SH3BP5L: variants seen among roughly 807,000 people sequenced by gnomAD.
SH3BP5L encodes SH3 domain-binding protein 5-like.
SH3BP5L carries 16 observed loss-of-function variants against 40.9 expected under a neutral mutation model. The ratio of observed to expected loss-of-function variants is 0.39; its 90% CI spans 0.27 to 0.59. The LOEUF is 0.59. Among genes scored for constraint, SH3BP5L ranks in the 20% least tolerant of loss-of-function variants. SH3BP5L has a pLI of 0.53. For synonymous variants in SH3BP5L, 229 were observed against 226.7 expected (o/e 1.01, Z -0.09); for missense variants, 471 against 544.6 (o/e 0.86, Z 1.35).
Position 248,812,095 on chromosome 1 carries a change from G to A in SH3BP5L, c.987C>T (p.Asp329=). 6.2e-7 allele frequency: 1 copy of A among 1,611,680 alleles called. No homozygotes were observed. The highest frequency in any genetic ancestry group is 1.1e-5 in the South Asian group (1 of 91,000). The change falls in exon 7 of 7, where the codon GAC becomes GAT. Residue 329 remains aspartate, a synonymous_variant. Coordinates refer to ENST00000366472, the MANE Select transcript of SH3BP5L (RefSeq NM_030645.3). This position sits in a 1 kb window ranked among gnomAD's most constrained non-coding sequence, Gnocchi z 6.1. ...GSSLGPGPAP[D]TDTLSLLSLR... ...GGCTCAGCAGACTCAGGGTATCGGT[G>A]TCGGGGGCGGGGCCGGGCCCCAGGC...
intron 2 of SH3BP5L, among the ~76,000 whole-genome samples, chr1:248,818,828 C>A (rs1262462455): frequency 1.3e-5 from 2 of 152,232 alleles, no homozygotes; most frequent in Non-Finnish European, 2.9e-5. Context: ...CCAGGAAATA[C>A]CTGGTGCCTA....
chr1:248,822,399 CTG>C (rs1664273524), intron 2 of SH3BP5L, among the ~76,000 whole-genome samples: 1 of 152,190 alleles, frequency 6.6e-6, no homozygotes, highest in Non-Finnish European at 1.5e-5. Flanking sequence ...GTACCCACAC[CTG>C]TGTCATCAAA....
At position 248,812,404 on chromosome 1, in the gene SH3BP5L, G is replaced by T; in HGVS notation, c.712-34C>A. 2 of 1,546,844 alleles carry T rather than the reference G, an allele frequency of 1.3e-6. No homozygotes were observed. The highest frequency in any genetic ancestry group is 1.1e-5 in the South Asian group (1 of 89,238). ...GGCAGAGCAGAGCAAGGCGACCCAT[G>T]GGGCACGTCTCCACCTTCCTCAGCA... is the stretch of plus-strand genomic sequence containing the variant. On this transcript the variant is annotated intron_variant, in intron 6 of 6. Coordinates refer to ENST00000366472, the MANE Select transcript of SH3BP5L (RefSeq NM_030645.3). This position sits in a 1 kb window ranked among gnomAD's most constrained non-coding sequence, Gnocchi z 6.1.
At chr1:248,817,142 A>AT in intron 2 of SH3BP5L, 1 of 1,183,648 alleles carries the variant, frequency 8.4e-7, no homozygotes, top group South Asian at 1.3e-5. Context: ...GGATGAAGAA[A>AT]TTGAGGTTTG....
intron 2 of SH3BP5L, among the ~76,000 whole-genome samples, chr1:248,822,572 G>C (rs1265357539): frequency 2.0e-5 from 3 of 152,148 alleles, no homozygotes; most frequent in African/African-American, 7.2e-5. Context: ...CTACCTCAGT[G>C]TACTCCAACT....
rs1245409806 is a variant in SH3BP5L, at chr1:248,811,929, C to T, written c.1153G>A (p.Gly385Ser). The change falls in exon 7 of 7, where the codon GGT becomes AGT. Residue 385 changes from glycine to serine, a missense_variant. Physicochemically the swap from Gly to Ser is moderately conservative, Grantham distance 56. Around this residue, in one of 2 missense-constraint regions of SH3BP5L, gnomAD observed 196 missense variants for 174.6 expected, o/e 1.12. Coordinates refer to ENST00000366472, the MANE Select transcript of SH3BP5L (RefSeq NM_030645.3). ...AGGCTGACGCTGCGCTGGTGCCGAC[C>T]CCCACGGGCTCCGCCGTCGCTGCCC... is the stretch of plus-strand genomic sequence containing the variant. ...RRGSDGGARG[G>S]RHQRSVSL 6.5e-7 allele frequency: 1 copy of T among 1,547,532 alleles called. No individual in the cohort carries two copies. Among genetic ancestry groups the T allele is most frequent in the Admixed American group, 2.0e-5 (1 of 50,772 alleles).
At position 248,812,889 on chromosome 1, in the gene SH3BP5L, C is replaced by T; in HGVS notation, c.711+100G>A. The T allele has an allele frequency of 2.6e-6, 3 of 1,161,350 alleles. No individual in the cohort carries two copies. Among genetic ancestry groups the T allele is most frequent in the Non-Finnish European group, 3.7e-6 (3 of 821,534 alleles). 71.9% of individuals were successfully genotyped at this position (1,161,350 alleles called of 1,614,324 possible). On this transcript the variant is annotated intron_variant, in intron 6 of 6. Coordinates refer to ENST00000366472, the MANE Select transcript of SH3BP5L (RefSeq NM_030645.3). The surrounding 1 kb of genome is among the most constrained non-coding windows in gnomAD (Gnocchi z 6.1). Reference sequence around the variant, plus strand: ...CCCACCGCTAGCCGGAGGCCTCACCCTGGCCACCTCACCAAGATGGCCCAG... The same window carrying T: ...CCCACCGCTAGCCGGAGGCCTCACCTTGGCCACCTCACCAAGATGGCCCAG...
rs117205029 is a variant in SH3BP5L, at chr1:248,824,572, C to G, written c.183+181G>C. On this transcript the variant is annotated intron_variant, in intron 2 of 6. Coordinates refer to ENST00000366472, the MANE Select transcript of SH3BP5L (RefSeq NM_030645.3). ...CTTTCTCTGCACTCCATCAGCACTT[C>G]AGACACACAACTCTTTTGGAACTTG... Among the ~76,000 whole-genome samples the G allele has an allele frequency of 4.6e-4, 70 of 152,346 alleles. No individual in the cohort carries two copies. The East Asian group carries it at 0.011, about 24-fold the overall frequency.
chr1:248,818,507 C>T (rs983208589), intron 2 of SH3BP5L, among the ~76,000 whole-genome samples: 5 of 152,182 alleles, frequency 3.3e-5, no homozygotes, highest in African/African-American at 4.8e-5. Flanking sequence ...GTCCAAGAAG[C>T]CTTTTGGCCT....
intron 2 of SH3BP5L, among the ~76,000 whole-genome samples, chr1:248,817,709 C>T (rs528041882): frequency 3.9e-5 from 6 of 151,990 alleles, no homozygotes; most frequent in African/African-American, 1.2e-4. Flanking sequence ...AAAAATTAGC[C>T]GGGTGTGGCA....
rs145512568 is a variant in SH3BP5L at position 248,824,831 on chromosome 1, C to A, written c.105G>T (p.Glu35Asp). The change falls in exon 2 of 7, where the codon GAG (glutamate) becomes GAT (aspartate). Residue 35 changes from glutamate to aspartate, a missense_variant. By Grantham distance (45) the Glu-to-Asp change is conservative (BLOSUM62 2). Around this residue, in one of 2 missense-constraint regions of SH3BP5L, gnomAD observed 275 missense variants for 370.1 expected, o/e 0.74. Coordinates refer to ENST00000366472, the MANE Select transcript of SH3BP5L (RefSeq NM_030645.3). ...DEVPRSPVAE[E>D]PGGGGSSSSE... ...TGCTGCTGCTTCCACCTCCTCCAGGCTCTTCTGCGACTGGGCTCCTAGGGA... is the reference window on the plus strand; with the variant it reads ...TGCTGCTGCTTCCACCTCCTCCAGGATCTTCTGCGACTGGGCTCCTAGGGA... 135 of 1,614,088 alleles carry A rather than the reference C, an allele frequency of 8.4e-5. No individual in the cohort carries two copies. The highest frequency in any genetic ancestry group is 9.7e-5 in the Non-Finnish European group (114 of 1,180,034).
chr1:248,812,406 G>A lies in SH3BP5L; in HGVS notation c.712-36C>T, dbSNP rs764073493. 2 of 1,538,990 alleles carry A rather than the reference G, an allele frequency of 1.3e-6. No homozygotes were observed. The highest frequency in any genetic ancestry group is 1.4e-5 in the African/African-American group (1 of 73,658). ...CAGAGCAGAGCAAGGCGACCCATGG[G>A]GCACGTCTCCACCTTCCTCAGCACT... is the stretch of plus-strand genomic sequence containing the variant. On this transcript the variant is annotated intron_variant, in intron 6 of 6. Transcript: ENST00000366472. The surrounding 1 kb of genome is among the most constrained non-coding windows in gnomAD (Gnocchi z 6.1).
intron 2 of SH3BP5L, among the ~76,000 whole-genome samples, chr1:248,822,596 T>C (rs183850477): frequency 4.6e-5 from 7 of 152,202 alleles, no homozygotes; most frequent in Admixed American, 6.5e-5. Flanking sequence ...ATAGAGCTCA[T>C]CTGATAGAAG....
chr1:248,816,673 A>G lies in SH3BP5L; in HGVS notation c.247-11T>C, dbSNP rs940031637. On this transcript the variant is annotated splice_polypyrimidine_tract_variant and intron_variant, in intron 3 of 6. Coordinates refer to ENST00000366472, the MANE Select transcript of SH3BP5L (RefSeq NM_030645.3). ...GGTGGTCCTGGCCTCCTGGAAAGGAACAAGGCAGAGGAAAGGCACATGTTT... is the reference window on the plus strand; with the variant it reads ...GGTGGTCCTGGCCTCCTGGAAAGGAGCAAGGCAGAGGAAAGGCACATGTTT... 6.2e-7 allele frequency: 1 copy of G among 1,613,910 alleles called. No individual in the cohort carries two copies. The highest frequency in any genetic ancestry group is 8.5e-7 in the Non-Finnish European group (1 of 1,180,028).
Position 248,825,160 on chromosome 1 carries a change from T to TC in SH3BP5L, c.-226dup, listed in dbSNP as rs1664344976. On this transcript the variant is annotated 5_prime_UTR_variant, in exon 2 of 7. It introduces an in-frame stop codon into an upstream open reading frame of the 5' UTR. Transcript: ENST00000366472. ...GAAGCCTTGTCTGTGCAAAAGTTCT[T>TC]CCCTTCCCGCCACAGGGAGTCCACT... The TC allele has an allele frequency of 7.6e-7, 1 of 1,308,918 alleles. No individual in the cohort carries two copies. Among genetic ancestry groups the TC allele is most frequent in the East Asian group, 3.1e-5 (1 of 32,602 alleles). 81.1% of individuals were successfully genotyped at this position (1,308,918 alleles called of 1,614,324 possible). A position where few individuals can be genotyped will look rare whatever the true frequency, so the allele number is the denominator to read the frequency against.
chr1:248,817,464 C>T lies in SH3BP5L; in HGVS notation c.184-580G>A, dbSNP rs191246534. Reference sequence around the variant, plus strand: ...TGTGAGGGGTGGGTGTGGGTGCTCTCTGGGTAGCAAGGTCACCTAATTGGG... The same window carrying T: ...TGTGAGGGGTGGGTGTGGGTGCTCTTTGGGTAGCAAGGTCACCTAATTGGG... On this transcript the variant is annotated intron_variant, in intron 2 of 6. Transcript: ENST00000366472. Among the ~76,000 whole-genome samples the T allele has an allele frequency of 7.6e-4, 115 of 152,286 alleles. No homozygotes were observed. The Middle Eastern group carries it at 0.01, about 14-fold the overall frequency.
At chr1:248,814,310 G>C (rs752603203) in intron 5 of SH3BP5L, 139 bp downstream of exon 5, 24 of 930,430 alleles carry the variant, frequency 2.6e-5, no homozygotes, top group South Asian at 1.5e-4. Flanking sequence ...AGAAAACTAG[G>C]AACAGGTTTT....
rs1209050651 is a variant in SH3BP5L, at chr1:248,821,191, C to G, written c.183+3562G>C. 1 of 152,322 alleles carries G rather than the reference C, an allele frequency of 6.6e-6. No homozygotes were observed. The highest frequency in any genetic ancestry group is 1.5e-5 in the Non-Finnish European group (1 of 68,128). 9.4% of individuals were successfully genotyped at this position (152,322 alleles called of 1,614,324 possible). A position where few individuals can be genotyped will look rare whatever the true frequency, so the allele number is the denominator to read the frequency against. The stretch of plus-strand genomic sequence containing the variant: ...AGGCTGAGCAGGAATCCACTGAGGA[C>G]CTGGGACAGTTTTGGGCAGTCAGCA... On this transcript the variant is annotated intron_variant, in intron 2 of 6. Coordinates refer to ENST00000366472, the MANE Select transcript of SH3BP5L (RefSeq NM_030645.3). The surrounding 1 kb of genome is among the most constrained non-coding windows in gnomAD (Gnocchi z 4.6).
At chr1:248,813,365 A>C (rs1364706550) in intron 5 of SH3BP5L, 1 of 451,066 alleles carries the variant, frequency 2.2e-6, no homozygotes, top group African/African-American at 2.0e-5. Flanking sequence ...TCTCTCTTGG[A>C]TCTGCTGCCT....
Sources: allele counts gnomAD v4.1 joint callset (sites outside exome capture counted in the v4.1 genomes callset), GRCh38; gene constraint gnomAD v4.1.1; regional missense constraint gnomAD v4.1.1; non-coding constraint Gnocchi (gnomAD v3.1); transcripts MANE v1.5; gene names NCBI Gene and HGNC (gene_info 2026-07-23, HGNC 2026-07-21).